SGPP2: variants seen among roughly 807,000 people sequenced by gnomAD.
The protein encoded by SGPP2 is sphingosine-1-phosphate phosphatase 2.
Under a neutral mutation model 33.9 loss-of-function variants are expected in SGPP2, and 30 were observed. The observed-to-expected ratio is 0.89, with a 90% confidence interval of 0.66 to 1.20. SGPP2 has a LOEUF of 1.20. SGPP2 is among the 50% of genes most tolerant of loss of function. The pLI is 0.00. For synonymous variants in SGPP2, 233 were observed against 225.0 expected (o/e 1.04, Z -0.32); for missense variants, 458 against 532.1 (o/e 0.86, Z 1.37).
intron 4 of SGPP2, among the ~76,000 whole-genome samples, chr2:222,542,242 C>T (rs1262212758): frequency 6.6e-6 from 1 of 152,012 alleles, no homozygotes; most frequent in Non-Finnish European, 1.5e-5. Flanking sequence ...CTGTATGTAG[C>T]TCTCATTCAT....
chr2:222,522,782 G>A (rs928090246), intron 3 of SGPP2, among the ~76,000 whole-genome samples: 2 of 152,130 alleles, frequency 1.3e-5, no homozygotes, highest in African/African-American at 4.8e-5. Context: ...GGGCTCAAGC[G>A]ATCCTTCCAT....
intron 4 of SGPP2, among the ~76,000 whole-genome samples, chr2:222,539,953 A>G (rs1360784405): frequency 6.6e-6 from 1 of 152,222 alleles, no homozygotes; most frequent in Non-Finnish European, 1.5e-5. Flanking sequence ...GCTTCCTAGG[A>G]AAAATGACAA....
At chr2:222,556,568 A>C (rs976617276) in intron 4 of SGPP2, among the ~76,000 whole-genome samples, 67 of 23,458 alleles carry the variant, frequency 2.9e-3, no homozygotes, top group African/African-American at 4.6e-3. Context: ...TCCCCCATCC[A>C]CCCTCACTCC....
At chr2:222,525,644 G>T (rs1445550915) in intron 4 of SGPP2, among the ~76,000 whole-genome samples, 1 of 152,246 alleles carries the variant, frequency 6.6e-6, no homozygotes, top group African/African-American at 2.4e-5. Context: ...GTTTCCCAAT[G>T]TGTCCACGGC....
chr2:222,479,430 T>G (rs1346561289), intron 2 of SGPP2, among the ~76,000 whole-genome samples: 1 of 133,930 alleles, frequency 7.5e-6, no homozygotes, highest in African/African-American at 2.9e-5. Flanking sequence ...TGAGACAGAG[T>G]ATCGCTCTGT....
intron 2 of SGPP2, among the ~76,000 whole-genome samples, chr2:222,478,602 G>C (rs922365659): frequency 6.6e-6 from 1 of 152,202 alleles, no homozygotes; most frequent in Non-Finnish European, 1.5e-5. Context: ...TTGAAGTCTT[G>C]TAACTGAACA....
chr2:222,513,579 C>T (rs1343292913), intron 2 of SGPP2, among the ~76,000 whole-genome samples: 1 of 151,918 alleles, frequency 6.6e-6, no homozygotes, highest in African/African-American at 2.4e-5. Flanking sequence ...AAAAATGGTC[C>T]TTGTAGATGT....
chr2:222,487,141 A>G (rs1698124028), intron 2 of SGPP2, among the ~76,000 whole-genome samples: 1 of 152,194 alleles, frequency 6.6e-6, no homozygotes, highest in South Asian at 2.1e-4. Flanking sequence ...AAGACTCATG[A>G]GTCTTTTAAC....
At chr2:222,496,141 T>A (rs1374862672) in intron 2 of SGPP2, among the ~76,000 whole-genome samples, 1 of 152,212 alleles carries the variant, frequency 6.6e-6, no homozygotes, top group Non-Finnish European at 1.5e-5. Context: ...TGCTTTTTAT[T>A]TGACAAAGAT....
chr2:222,497,030 G>A (rs1698291306), intron 2 of SGPP2, among the ~76,000 whole-genome samples: 2 of 152,286 alleles, frequency 1.3e-5, no homozygotes, highest in South Asian at 2.1e-4. Flanking sequence ...TACTACAGTA[G>A]CATCCTAGAG....
At position 222,559,164 on chromosome 2, in the gene SGPP2, C is replaced by G. The variant is rs1330316145; in HGVS notation, c.*266C>G. 15 of 64,896 alleles carry G rather than the reference C, an allele frequency of 2.3e-4. 2 individuals are homozygous for G. The highest frequency in any genetic ancestry group is 8.0e-4 in the South Asian group (3 of 3,738). The allele number at this position is 64,896 out of a possible 1,614,324, so 4.0% of individuals were successfully genotyped here. A position where few individuals can be genotyped will look rare whatever the true frequency, so the allele number is the denominator to read the frequency against. On this transcript the variant is annotated 3_prime_UTR_variant, in exon 5 of 5. Transcript: ENST00000321276. ...GATCTTTAAAGGCACACACCGCGCC[C>G]CCCCCCCCCCCGCCCGGCCCCTGCT...
chr2:222,506,477 G>T (rs1010235914), intron 2 of SGPP2, among the ~76,000 whole-genome samples: 1 of 152,144 alleles, frequency 6.6e-6, no homozygotes, highest in African/African-American at 2.4e-5. Flanking sequence ...CAGTTGATGC[G>T]CTGATAAACA....
rs1274038186 is a variant in SGPP2, at chr2:222,471,779, CT to C, written c.220-2788del. Among the ~76,000 whole-genome samples, 3 of 152,090 alleles carry C rather than the reference CT, an allele frequency of 2.0e-5. No homozygotes were observed. The East Asian group carries it at 5.8e-4, about 29-fold the overall frequency. ...CTGTAACAGTGTTGTCTCTTTTTCT[CT>C]CCTATTTTAGTGTTGGCATTTTACT... On this transcript the variant is annotated intron_variant, in intron 1 of 4. Coordinates refer to ENST00000321276, the MANE Select transcript of SGPP2 (RefSeq NM_152386.4).
chr2:222,495,684 C>T (rs952463716), intron 2 of SGPP2, among the ~76,000 whole-genome samples: 4 of 152,148 alleles, frequency 2.6e-5, no homozygotes, highest in African/African-American at 4.8e-5. Context: ...TCAGATAAGA[C>T]CCACAGATGC....
chr2:222,534,585 T>C (rs557166054), intron 4 of SGPP2, among the ~76,000 whole-genome samples: 22 of 152,324 alleles, frequency 1.4e-4, no homozygotes, highest in African/African-American at 5.1e-4. Context: ...ATTTTTGTTG[T>C]ATTTTTTCAT....
At chr2:222,554,434 T>C (rs1689353425) in intron 4 of SGPP2, among the ~76,000 whole-genome samples, 1 of 152,234 alleles carries the variant, frequency 6.6e-6, no homozygotes, top group Admixed American at 6.5e-5. Flanking sequence ...CAAACAATAC[T>C]ACAACAGATA....
At chr2:222,475,354 A>G (rs1290580129) in intron 2 of SGPP2, among the ~76,000 whole-genome samples, 1 of 152,188 alleles carries the variant, frequency 6.6e-6, no homozygotes, top group African/African-American at 2.4e-5. Flanking sequence ...GTACTTTGAG[A>G]TATACTTTCC....
At chr2:222,540,514 T>C in intron 4 of SGPP2, among the ~76,000 whole-genome samples, 1 of 152,222 alleles carries the variant, frequency 6.6e-6, no homozygotes, top group East Asian at 1.9e-4. Context: ...CAGTAGGTTG[T>C]GAGTCCTTTG....
intron 1 of SGPP2, among the ~76,000 whole-genome samples, chr2:222,437,329 CTTGA>C (rs1697257126): frequency 1.3e-5 from 2 of 152,236 alleles, no homozygotes; most frequent in South Asian, 4.1e-4. Context: ...TGGTGCACTT[CTTGA>C]AGTTCTCCCC....
Sources: allele counts gnomAD v4.1 joint callset (sites outside exome capture counted in the v4.1 genomes callset), GRCh38; gene constraint gnomAD v4.1.1; transcripts MANE v1.5; gene names NCBI Gene and HGNC (gene_info 2026-07-23, HGNC 2026-07-21).